Variants in AMPH observed in about 807,000 individuals in gnomAD.
AMPH encodes the protein amphiphysin, also known as amphiphysin (Stiff-Mann syndrome with breast cancer 128kD autoantigen).
A neutral mutation model predicts 99.1 loss-of-function variants in AMPH; 49 were observed. The ratio of observed to expected loss-of-function variants is 0.49; its 90% CI spans 0.39 to 0.63. AMPH has a LOEUF of 0.63. AMPH is among the 20% of genes least tolerant of loss of function. The probability of loss-of-function intolerance (pLI) is 0.00; values close to 1 mark genes in which losing one functional copy is unlikely to be tolerated. For synonymous variants in AMPH, 314 were observed against 317.3 expected, an observed-to-expected ratio of 0.99 and a Z score of 0.11; for missense variants, 759 against 863.4, an observed-to-expected ratio of 0.88 and a Z score of 1.52.
At chr7:38,506,050 G>A (rs1562796531) in intron 2 of AMPH, among the ~76,000 whole-genome samples, 1 of 152,120 alleles carries the variant, frequency 6.6e-6, no homozygotes, top group East Asian at 1.9e-4. Flanking sequence ...GCCATCACAT[G>A]CTCCTGCCAT....
chr7:38,405,606 A>T (rs1784961424), intron 17 of AMPH, among the ~76,000 whole-genome samples: 2 of 152,168 alleles, frequency 1.3e-5, no homozygotes, highest in Admixed American at 1.3e-4. Context: ...CAAAGACAGC[A>T]TTATATCATA....
chr7:38,502,842 T>C (rs1380802266), intron 3 of AMPH, among the ~76,000 whole-genome samples: 1 of 152,182 alleles, frequency 6.6e-6, no homozygotes, highest in Non-Finnish European at 1.5e-5. Context: ...ACATCTTTAC[T>C]ATATCTGGAA....
chr7:38,619,427 A>G (rs776594036), intron 1 of AMPH, among the ~76,000 whole-genome samples: 4 of 152,224 alleles, frequency 2.6e-5, no homozygotes, highest in Non-Finnish European at 4.4e-5. Flanking sequence ...CGGAAGAAAG[A>G]AATAGACAAT....
intron 1 of AMPH, among the ~76,000 whole-genome samples, chr7:38,537,057 A>G (rs1389996922): frequency 6.6e-6 from 1 of 152,224 alleles, no homozygotes; most frequent in African/African-American, 2.4e-5. Flanking sequence ...ATTCATTAAC[A>G]TAAATACGCA....
At chr7:38,576,818 C>A (rs956529036) in intron 1 of AMPH, among the ~76,000 whole-genome samples, 1 of 152,124 alleles carries the variant, frequency 6.6e-6, no homozygotes, top group Non-Finnish European at 1.5e-5. Flanking sequence ...CAGTCAGAAT[C>A]CGGACCCTGC....
intron 7 of AMPH, among the ~76,000 whole-genome samples, chr7:38,471,187 C>T (rs1014570): frequency 0.25 from 37,708 of 152,040 alleles, 5,704 homozygotes; most frequent in African/African-American, 0.39. Flanking sequence ...CACTCTGACC[C>T]TGAGTTACAT....
chr7:38,474,437 G>T (rs1264909003), intron 7 of AMPH, among the ~76,000 whole-genome samples: 1 of 152,100 alleles, frequency 6.6e-6, no homozygotes, highest in African/African-American at 2.4e-5. Context: ...AACACAGAGT[G>T]CCTTTTATTG....
At chr7:38,415,941 G>A (rs28655138) in intron 17 of AMPH, among the ~76,000 whole-genome samples, 45,176 of 150,478 alleles carry the variant, frequency 0.3, 7,166 homozygotes, top group African/African-American at 0.38. Context: ...CAGTTCACCT[G>A]TGAGCTTCAG....
chr7:38,589,584 G>T (rs553568319), intron 1 of AMPH, among the ~76,000 whole-genome samples: 1 of 152,124 alleles, frequency 6.6e-6, no homozygotes, highest in African/African-American at 2.4e-5. Context: ...ATGTATTCTT[G>T]CCACTAGTTA....
chr7:38,463,776 C>T (rs910785314), intron 9 of AMPH, among the ~76,000 whole-genome samples: 2 of 152,202 alleles, frequency 1.3e-5, no homozygotes, highest in African/African-American at 2.4e-5. Context: ...TTACTAAGAA[C>T]CCACCATGTT....
intron 11 of AMPH, among the ~76,000 whole-genome samples, chr7:38,448,862 T>C (rs538926635): frequency 1.9e-4 from 29 of 152,312 alleles, no homozygotes; most frequent in South Asian, 8.3e-4. Flanking sequence ...TTCTAGGAAA[T>C]TGTTTTCCTA....
chr7:38,442,154 G>A (rs1229374616), intron 11 of AMPH, among the ~76,000 whole-genome samples: 1 of 152,020 alleles, frequency 6.6e-6, no homozygotes, highest in South Asian at 2.1e-4. Flanking sequence ...TGGGTACTAG[G>A]CTTAATACTT....
At chr7:38,500,288 TC>T (rs1789087552) in intron 3 of AMPH, among the ~76,000 whole-genome samples, 1 of 152,186 alleles carries the variant, frequency 6.6e-6, no homozygotes. Context: ...TTCATTCCAA[TC>T]AGCTGTGGAC....
At chr7:38,550,809 T>C (rs954438406) in intron 1 of AMPH, among the ~76,000 whole-genome samples, 6 of 152,204 alleles carry the variant, frequency 3.9e-5, no homozygotes, top group African/African-American at 1.4e-4. Context: ...TAGTTTAATT[T>C]GCATTTTAAT....
chr7:38,609,326 G>A (rs1195427767), intron 1 of AMPH, among the ~76,000 whole-genome samples: 1 of 152,052 alleles, frequency 6.6e-6, no homozygotes, highest in African/African-American at 2.4e-5. Flanking sequence ...TTTAACTTGG[G>A]TGCCAATAAA....
chr7:38,463,310 C>CATTCATGTATTCATGTATTCATGT, intron 9 of AMPH, 197 bp from the exon 10 acceptor site: 4 of 724,956 alleles, frequency 5.5e-6, no homozygotes, highest in Non-Finnish European at 9.7e-6. Flanking sequence ...ACAGAGACCT[C>CATTCATGTATTCATGTATTCATGT]ATTCATGTAT....
chr7:38,410,792 G>C (rs1357146921), intron 17 of AMPH, among the ~76,000 whole-genome samples: 1 of 152,138 alleles, frequency 6.6e-6, no homozygotes, highest in Non-Finnish European at 1.5e-5. Context: ...TTTGAAATTT[G>C]CTTTGCCGCC....
At chr7:38,484,712 A>AT (rs1788423169) in intron 5 of AMPH, among the ~76,000 whole-genome samples, 3 of 152,076 alleles carry the variant, frequency 2.0e-5, no homozygotes, top group Non-Finnish European at 2.9e-5. Flanking sequence ...TATTACTGTA[A>AT]CAGTGGTGGG....
chr7:38,486,550 AG>A (rs1289314685), intron 5 of AMPH, among the ~76,000 whole-genome samples: 1 of 152,116 alleles, frequency 6.6e-6, no homozygotes, highest in Non-Finnish European at 1.5e-5. Context: ...TCTTCCAAAA[AG>A]ATTGCAGGGG....
Sources: allele counts gnomAD v4.1 joint callset (sites outside exome capture counted in the v4.1 genomes callset), GRCh38; gene constraint gnomAD v4.1.1; transcripts MANE v1.5; gene names NCBI Gene and HGNC (gene_info 2026-07-23, HGNC 2026-07-21).